The following RAP1A variants were observed in gnomAD, a reference collection of about 807,000 sequenced individuals.
The protein encoded by RAP1A is ras-related protein Rap-1A.
In RAP1A, 6 loss-of-function variants were observed where a neutral mutation model predicts 26.4. The observed-to-expected ratio is 0.23, with a 90% CI of 0.12 to 0.45. The LOEUF is 0.45. Ranked by LOEUF, RAP1A falls within the 20% of genes least tolerant of loss-of-function variation. The probability of loss-of-function intolerance (pLI) is 0.99; values close to 1 mark genes in which losing one functional copy is unlikely to be tolerated. For synonymous variants in RAP1A, 73 were observed against 79.4 expected (o/e 0.92, Z 0.43); for missense variants, 121 against 217.2 (o/e 0.56, Z 2.78).
chr1:111,690,018 T>C (rs1018744956), intron 1 of RAP1A, among the ~76,000 whole-genome samples: 9 of 152,222 alleles, frequency 5.9e-5, no homozygotes, highest in South Asian at 2.1e-4. Context: ...TAATTTTTTA[T>C]TGGATGCTGG....
chr1:111,656,547 C>T (rs948403382), intron 1 of RAP1A, among the ~76,000 whole-genome samples: 2 of 152,120 alleles, frequency 1.3e-5, no homozygotes, highest in African/African-American at 2.4e-5. Context: ...CCCAGTTGTG[C>T]TTTTGTCCTG....
chr1:111,670,618 A>G (rs562603902), intron 1 of RAP1A, among the ~76,000 whole-genome samples: 64 of 152,330 alleles, frequency 4.2e-4, no homozygotes, highest in African/African-American at 1.5e-3. Flanking sequence ...GAGGTCTACA[A>G]TGAAACATCA....
intron 1 of RAP1A, among the ~76,000 whole-genome samples, chr1:111,563,473 G>A (rs1188784485): frequency 1.3e-5 from 2 of 152,152 alleles, no homozygotes; most frequent in Non-Finnish European, 2.9e-5. Context: ...AACCTTGAGG[G>A]ACATTCGGGA....
chr1:111,620,894 C>G (rs1033877471), intron 1 of RAP1A, among the ~76,000 whole-genome samples: 6 of 152,126 alleles, frequency 3.9e-5, no homozygotes, highest in African/African-American at 7.2e-5. Context: ...TTTGTGCCTA[C>G]AAAATGGGAT....
intron 1 of RAP1A, among the ~76,000 whole-genome samples, chr1:111,662,177 T>G (rs1216658038): frequency 2.0e-5 from 3 of 151,890 alleles, no homozygotes; most frequent in Admixed American, 6.6e-5. Flanking sequence ...GGGCAGATCA[T>G]GAGGTCAGGA....
At chr1:111,643,687 C>A (rs1571521655) in intron 1 of RAP1A, among the ~76,000 whole-genome samples, 1 of 152,180 alleles carries the variant, frequency 6.6e-6, no homozygotes, top group Non-Finnish European at 1.5e-5. Context: ...TCCTTTATTT[C>A]AGAGTCATAG....
At chr1:111,694,820 A>G (rs908301818) in intron 2 of RAP1A, among the ~76,000 whole-genome samples, 1 of 152,176 alleles carries the variant, frequency 6.6e-6, no homozygotes, top group Non-Finnish European at 1.5e-5. Flanking sequence ...GAAAGGCTTT[A>G]ACAAATTTAC....
chr1:111,659,523 T>TC (rs1486270099), intron 1 of RAP1A, among the ~76,000 whole-genome samples: 2 of 151,864 alleles, frequency 1.3e-5, no homozygotes, highest in Non-Finnish European at 2.9e-5. Flanking sequence ...TTTTTTTTTT[T>TC]TCTCTTATTA....
intron 1 of RAP1A, among the ~76,000 whole-genome samples, chr1:111,645,218 A>G (rs994867767): frequency 7.2e-5 from 11 of 152,228 alleles, no homozygotes; most frequent in African/African-American, 2.4e-4. Context: ...TATGACTTAT[A>G]GGTTTTTAGC....
At chr1:111,632,764 CA>C (rs958397997) in intron 1 of RAP1A, among the ~76,000 whole-genome samples, 1 of 151,058 alleles carries the variant, frequency 6.6e-6, no homozygotes, top group Admixed American at 6.6e-5. Flanking sequence ...AAAAAAAATA[CA>C]AAAAAACTAG....
chr1:111,618,472 G>T (rs1031670263), upstream of RAP1A, among the ~76,000 whole-genome samples: 1 of 152,124 alleles, frequency 6.6e-6, no homozygotes, highest in Non-Finnish European at 1.5e-5. Context: ...GTGTTGGAGT[G>T]CCTCTTGGTC....
At chr1:111,577,399 CGCA>C (rs1197979574) in intron 1 of RAP1A, among the ~76,000 whole-genome samples, 3 of 53,306 alleles carry the variant, frequency 5.6e-5, no homozygotes, top group African/African-American at 2.4e-4. Flanking sequence ...AAGACTCCAT[CGCA>C]AAAAAAAAAA....
At chr1:111,559,747 T>G (rs1381554953) in intron 1 of RAP1A, among the ~76,000 whole-genome samples, 1 of 152,234 alleles carries the variant, frequency 6.6e-6, no homozygotes, top group East Asian at 1.9e-4. Context: ...CTGCTTCATT[T>G]AAAACTTTCC....
chr1:111,672,167 A>G (rs1416289822), intron 1 of RAP1A, among the ~76,000 whole-genome samples: 2 of 152,074 alleles, frequency 1.3e-5, no homozygotes, highest in Non-Finnish European at 2.9e-5. Context: ...CCTTTCTGTC[A>G]TTTACTGAGT....
At chr1:111,581,585 T>C (rs1658258696) in intron 1 of RAP1A, among the ~76,000 whole-genome samples, 1 of 152,244 alleles carries the variant, frequency 6.6e-6, no homozygotes, top group Non-Finnish European at 1.5e-5. Flanking sequence ...AGCTTCCACC[T>C]GATATAACAC....
At chr1:111,561,254 G>A (rs1657724886) in intron 1 of RAP1A, among the ~76,000 whole-genome samples, 1 of 152,176 alleles carries the variant, frequency 6.6e-6, no homozygotes, top group South Asian at 2.1e-4. Context: ...CTCCCAAGTA[G>A]CTGGGAGTAC....
At chr1:111,705,668 G>A (rs552284297) in intron 6 of RAP1A, among the ~76,000 whole-genome samples, 14 of 152,298 alleles carry the variant, frequency 9.2e-5, no homozygotes, top group Admixed American at 6.5e-4. Flanking sequence ...TCAGGTAACA[G>A]TCACTCAGAC....
chr1:111,634,668 T>TG (rs1239938780), intron 1 of RAP1A, among the ~76,000 whole-genome samples: 3 of 151,906 alleles, frequency 2.0e-5, no homozygotes, highest in Non-Finnish European at 4.4e-5. Context: ...TTTTTCGAGA[T>TG]GGAGTCTCAC....
At chr1:111,632,921 C>CAAAAAAAAAAAAAAAAAAAAAAA (rs59053038) in intron 1 of RAP1A, among the ~76,000 whole-genome samples, 1 of 68,786 alleles carries the variant, frequency 1.5e-5, no homozygotes, top group African/African-American at 5.9e-5. Flanking sequence ...AACTTGGTCT[C>CAAAAAAAAAAAAAAAAAAAAAAA]AAAAAAAAAA....
Sources: gnomAD v4.1 joint callset for allele counts (sites outside exome capture counted in the v4.1 genomes callset) on GRCh38, gnomAD v4.1.1 for gene constraint, MANE v1.5 for transcripts, NCBI Gene and HGNC (gene_info 2026-07-23, HGNC 2026-07-21) for gene names.